SYNE1: variants seen among roughly 807,000 people sequenced by gnomAD.
The protein encoded by SYNE1 is spectrin repeat containing nuclear envelope protein 1.
A neutral mutation model predicts 1,111.0 loss-of-function variants in SYNE1; 616 were observed. The observed-to-expected ratio is 0.55, with a 90% CI of 0.52 to 0.59. The LOEUF (loss-of-function observed/expected upper bound fraction) is 0.59. Ranked by LOEUF, SYNE1 falls within the 20% of genes least tolerant of loss-of-function variation. The pLI, the probability that SYNE1 is intolerant of heterozygous loss-of-function variation, is 0.00. For missense variants in SYNE1, 10,006 were observed against 10,417.0 expected (o/e 0.96, Z 1.72); for synonymous variants, 3,855 against 3,825.8 (o/e 1.01, Z -0.28).
rs539464964 is a variant in SYNE1 at position 152,450,751 on chromosome 6, A to C, written c.3269T>G (p.Val1090Gly). 8.4e-5 allele frequency: 136 copies of C among 1,614,106 alleles called. No homozygotes were observed. The East Asian group carries it at 2.2e-3, about 26-fold the overall frequency. The stretch of plus-strand genomic sequence containing the variant: ...AGGTGTGTCCCTTACTGGGTCCCGC[A>C]CTGGGAGTTTCACACAGAGTTCCTC... Reference protein sequence around the residue: ...LIEELCVKLPVRDPVRDTPGT... With the variant: ...LIEELCVKLPGRDPVRDTPGT... Residue 1090 changes from valine (V) to glycine (G), a missense_variant, in exon 27 of 146, where the codon GTG becomes GGG. Around this residue, in one of 7 missense-constraint regions of SYNE1, gnomAD observed 1,971 missense variants for 2,084.1 expected, o/e 0.95. Coordinates refer to ENST00000367255, the MANE Select transcript of SYNE1 (RefSeq NM_182961.4).
Position 152,347,222 on chromosome 6 carries a change from T to C in SYNE1, c.11915A>G (p.Glu3972Gly). 6.2e-7 allele frequency: 1 copy of C among 1,614,228 alleles called. No individual in the cohort carries two copies. Among genetic ancestry groups the C allele is most frequent in the Non-Finnish European group, 8.5e-7 (1 of 1,180,042 alleles). The change falls in exon 73 of 146, where the codon GAA (glutamate) becomes GGA (glycine). Residue 3972 changes from glutamate to glycine, a missense_variant. By Grantham distance (98) the Glu-to-Gly change is moderately conservative (BLOSUM62 -2). Around this residue, in one of 7 missense-constraint regions of SYNE1, gnomAD observed 4,955 missense variants for 5,017.2 expected, o/e 0.99. Coordinates refer to ENST00000367255, the MANE Select transcript of SYNE1 (RefSeq NM_182961.4). The stretch of plus-strand genomic sequence containing the variant: ...CAAACGGTCTTCAAAACCAGCAATT[T>C]CTTCCATCATTGCCTGCAAAAGTGA... Reference protein sequence around the residue: ...QLAHHKAMMEEIAGFEDRLNN... With the variant: ...QLAHHKAMMEGIAGFEDRLNN...
At chr6:152,243,149 A>G (rs1481954463) in intron 106 of SYNE1, among the ~76,000 whole-genome samples, 6 of 152,294 alleles carry the variant, frequency 3.9e-5, no homozygotes, top group African/African-American at 1.4e-4. Context: ...CTGTTGAAAA[A>G]CTGTCCATGT....
chr6:152,339,351 C>T lies in SYNE1; in HGVS notation c.12241G>A (p.Ala4081Thr). The change falls in exon 75 of 146, where the codon GCT (alanine) becomes ACT (threonine). Residue 4081 changes from alanine (A) to threonine (T), a missense_variant. By Grantham distance (58) the Ala-to-Thr change is moderately conservative (BLOSUM62 0). Transcript: ENST00000367255. ...EAIKQVKHFRALQEQARTYLD... is the reference protein window; with the variant it reads ...EAIKQVKHFRTLQEQARTYLD... Reference sequence around the variant, plus strand: ...TAGGTCCTTGCCTGCTCTTGCAAAGCTCTGAAGTGTTTGACCTGGAAAAGG... The same window carrying T: ...TAGGTCCTTGCCTGCTCTTGCAAAGTTCTGAAGTGTTTGACCTGGAAAAGG... The T allele has an allele frequency of 6.2e-7, 1 of 1,613,862 alleles. No individual in the cohort carries two copies. Among genetic ancestry groups the T allele is most frequent in the African/African-American group, 1.3e-5 (1 of 75,058 alleles).
At chr6:152,489,806 C>T (rs539638096) in intron 11 of SYNE1, among the ~76,000 whole-genome samples, 1 of 152,262 alleles carries the variant, frequency 6.6e-6, no homozygotes, top group Admixed American at 6.5e-5. Context: ...ACTTAGTACA[C>T]ACTAGAAATC....
chr6:152,156,199 A>G, intron 131 of SYNE1, 102 bp from the exon 132 acceptor site: 1 of 1,213,706 alleles, frequency 8.2e-7, no homozygotes, highest in South Asian at 1.3e-5. Flanking sequence ...CACCTTGACA[A>G]ATATTTAATT....
intron 145 of SYNE1, chr6:152,125,772 A>G (rs2053192979): frequency 6.4e-6 from 1 of 155,684 alleles, no homozygotes; most frequent in Admixed American, 6.4e-5. Context: ...ACAGAGCTGA[A>G]TAGCTCCTGT....
intron 3 of SYNE1, chr6:152,546,580 C>T (rs970514137): frequency 2.0e-5 from 3 of 152,078 alleles, no homozygotes; most frequent in Non-Finnish European, 2.9e-5. Context: ...CTAAGATCCT[C>T]GTGAATAAGA....
At chr6:152,392,886 T>C (rs1045756343) in intron 51 of SYNE1, among the ~76,000 whole-genome samples, 2 of 152,168 alleles carry the variant, frequency 1.3e-5, no homozygotes, top group Non-Finnish European at 2.9e-5. Context: ...GAGGTACTTT[T>C]ATATAGGGCA....
At chr6:152,218,830 G>A (rs957101933) in intron 120 of SYNE1, among the ~76,000 whole-genome samples, 173 bp downstream of exon 120, 1 of 136,564 alleles carries the variant, frequency 7.3e-6, no homozygotes, top group African/African-American at 3.8e-5. Context: ...AGAGAACAGC[G>A]CAAAACGTCC....
chr6:152,416,842 A>C lies in SYNE1; in HGVS notation c.5595T>G (p.Leu1865=), dbSNP rs1475840992. 6.2e-7 allele frequency: 1 copy of C among 1,614,016 alleles called. No homozygotes were observed. Among genetic ancestry groups the C allele is most frequent in the Non-Finnish European group, 8.5e-7 (1 of 1,180,002 alleles). ...GGAATTCTGCCAAATGGGACAGGGC[A>C]AGCTGCCGCCTCTCCACAACCTGGC... ...EASQVVERRQ[L]ALSHLAEFLQ... Residue 1865 remains leucine, a synonymous_variant, in exon 41 of 146, where the codon CTT becomes CTG. Transcript: ENST00000367255.
intron 145 of SYNE1, among the ~76,000 whole-genome samples, chr6:152,123,213 T>C (rs1585336010): frequency 6.6e-6 from 1 of 152,340 alleles, no homozygotes; most frequent in Non-Finnish European, 1.5e-5. Context: ...TCATTAATCA[T>C]AGAGCATACC....
chr6:152,219,193 A>T lies in SYNE1; in HGVS notation c.21862-8T>A, dbSNP rs760649327. ...CAGTCCTTTGAGGAGGTCCTAGAAGAGGTGAAAATATGCCCACTCTGAAGC... is the reference window on the plus strand; with the variant it reads ...CAGTCCTTTGAGGAGGTCCTAGAAGTGGTGAAAATATGCCCACTCTGAAGC... On this transcript the variant is annotated splice_region_variant and splice_polypyrimidine_tract_variant and intron_variant, in intron 119 of 145. Coordinates refer to ENST00000367255, the MANE Select transcript of SYNE1 (RefSeq NM_182961.4). 6.2e-7 allele frequency: 1 copy of T among 1,613,234 alleles called. No homozygotes were observed. Among genetic ancestry groups the T allele is most frequent in the South Asian group, 1.1e-5 (1 of 91,044 alleles).
intron 8 of SYNE1, among the ~76,000 whole-genome samples, chr6:152,509,431 A>G (rs2099074284): frequency 2.6e-5 from 4 of 151,094 alleles, no homozygotes. Context: ...TAATTTTTGT[A>G]CTTTTAGTAG....
intron 69 of SYNE1, 32 bp downstream of exon 69, chr6:152,353,231 G>C (rs375132833): frequency 1.2e-6 from 2 of 1,613,656 alleles, no homozygotes; most frequent in African/African-American, 2.7e-5. Context: ...GAACGGAAAG[G>C]TTGGATACAA....
At chr6:152,617,450 G>A (rs1464394383) in intron 3 of SYNE1, among the ~76,000 whole-genome samples, 1 of 152,186 alleles carries the variant, frequency 6.6e-6, no homozygotes, top group East Asian at 1.9e-4. Context: ...ACAGCTCCAT[G>A]AGGAAACAAA....
At chr6:152,630,944 G>A (rs1223809910) in intron 2 of SYNE1, among the ~76,000 whole-genome samples, 1 of 152,164 alleles carries the variant, frequency 6.6e-6, no homozygotes, top group Non-Finnish European at 1.5e-5. Context: ...TTCCCTGCAT[G>A]TGCCCAGTAT....
rs772956784 is a variant in SYNE1 at position 152,239,578 on chromosome 6, C to A, written c.20022G>T (p.Leu6674=). The part of the protein sequence containing the change: ...TELMAQASAV[L]KRAHKRGVEL... ...CCACACCCCTCTTGTGAGCCCGTTT[C>A]AGTACAGCAGAAGCCTGAGCCATCA... The change falls in exon 108 of 146, where the codon CTG becomes CTT. Residue 6674 remains leucine (L), a synonymous_variant. Coordinates refer to ENST00000367255, the MANE Select transcript of SYNE1 (RefSeq NM_182961.4). 2 of 1,614,190 alleles carry A rather than the reference C, an allele frequency of 1.2e-6. No individual in the cohort carries two copies. The highest frequency in any genetic ancestry group is 2.2e-5 in the South Asian group (2 of 91,084).
At chr6:152,618,005 C>A (rs1220568712) in intron 3 of SYNE1, among the ~76,000 whole-genome samples, 2 of 152,084 alleles carry the variant, frequency 1.3e-5, no homozygotes, top group Non-Finnish European at 1.5e-5. Context: ...CCCTTCCAAC[C>A]ATAATGAGTT....
chr6:152,478,666 G>A (rs952383369), intron 14 of SYNE1: 1 of 152,324 alleles, frequency 6.6e-6, no homozygotes, highest in Non-Finnish European at 1.5e-5. Flanking sequence ...TCAGCTAAGA[G>A]TGAGGATGGG....
Sources: allele counts gnomAD v4.1 joint callset (sites outside exome capture counted in the v4.1 genomes callset), GRCh38; gene constraint gnomAD v4.1.1; regional missense constraint gnomAD v4.1.1; transcripts MANE v1.5; gene names NCBI Gene and HGNC (gene_info 2026-07-23, HGNC 2026-07-21).